The following ACOT7 variants were observed in gnomAD, a reference collection of about 807,000 sequenced individuals.
ACOT7 encodes acyl-CoA thioesterase 7.
Under a neutral mutation model 40.2 loss-of-function variants are expected in ACOT7, and 12 were observed. The ratio of observed to expected loss-of-function variants is 0.30; its 90% CI spans 0.19 to 0.48. The LOEUF (loss-of-function observed/expected upper bound fraction) is 0.48. Among genes scored for constraint, ACOT7 ranks in the 20% least tolerant of loss-of-function variants. The pLI is 0.99. For missense variants in ACOT7, 395 were observed against 530.8 expected, an observed-to-expected ratio of 0.74 and a Z score of 2.51; for synonymous variants, 228 against 219.5, an observed-to-expected ratio of 1.04 and a Z score of -0.34.
At position 6,355,452 on chromosome 1, in the gene ACOT7, G is replaced by A. The variant is rs770566619; in HGVS notation, c.144-5586C>T. Among the ~76,000 whole-genome samples, 9 of 152,168 alleles carry A rather than the reference G, an allele frequency of 5.9e-5. No homozygotes were observed. The highest frequency in any genetic ancestry group is 1.0e-4 in the Non-Finnish European group (7 of 68,042). On this transcript the variant is annotated intron_variant, in intron 1 of 8. Coordinates refer to ENST00000361521, the MANE Select transcript of ACOT7 (RefSeq NM_007274.4). The surrounding 1 kb of genome is among the most constrained non-coding windows in gnomAD (Gnocchi z 5.0). The stretch of plus-strand genomic sequence containing the variant: ...ATTGGAATATTGCTCAGCCTTGCAC[G>A]AGGAGGAGGAACCTTCTCAGAGACC...
rs147416080 is a variant in ACOT7 at position 6,357,575 on chromosome 1, G to A, written c.144-7709C>T. Among the ~76,000 whole-genome samples, 167 of 152,376 alleles carry A rather than the reference G, an allele frequency of 1.1e-3. 1 individual carries two copies. The highest frequency in any genetic ancestry group is 3.8e-3 in the African/African-American group (157 of 41,586). ...CATAGGGCTGCAGATGCCACTCATG[G>A]CTGGGGGCCACCACCTGGGGCCTGC... On this transcript the variant is annotated intron_variant, in intron 1 of 8. Coordinates refer to ENST00000361521, the MANE Select transcript of ACOT7 (RefSeq NM_007274.4).
rs1240002644 is a variant in ACOT7, at chr1:6,294,567, C to T, written c.829+297G>A. 1.3e-5 allele frequency among the ~76,000 whole-genome samples: 2 copies of T among 152,238 alleles called. No homozygotes were observed. Among genetic ancestry groups the T allele is most frequent in the Non-Finnish European group, 2.9e-5 (2 of 68,044 alleles). On this transcript the variant is annotated intron_variant, in intron 7 of 8. Transcript: ENST00000361521. The surrounding 1 kb of genome is among the most constrained non-coding windows in gnomAD (Gnocchi z 4.6). ...TTGGTGTCCAGGGTCGTGGCAGCTG[C>T]AGGCACAGGACCTTCCCAGAGCTCT... is the stretch of plus-strand genomic sequence containing the variant.
chr1:6,393,544 G>C lies in ACOT7; in HGVS notation c.-145C>G, dbSNP rs1428356855. On this transcript the variant is annotated 5_prime_UTR_variant, in exon 1 of 9. Coordinates refer to ENST00000361521, the MANE Select transcript of ACOT7 (RefSeq NM_007274.4). ...CGCCTCCCAGGCCGCCAAGGCTGCA[G>C]AGAGCTCGCGCGGGCGTACGATTCT... 1 of 695,560 alleles carries C rather than the reference G, an allele frequency of 1.4e-6. No individual in the cohort carries two copies. The highest frequency in any genetic ancestry group is 4.0e-5 in the East Asian group (1 of 25,018). 43.1% of individuals were successfully genotyped at this position (695,560 alleles called of 1,614,324 possible). A position where few individuals can be genotyped will look rare whatever the true frequency, so the allele number is the denominator to read the frequency against.
chr1:6,358,747 C>A lies in ACOT7; in HGVS notation c.144-8881G>T. 1.4e-6 allele frequency: 2 copies of A among 1,465,218 alleles called. No homozygotes were observed. The highest frequency in any genetic ancestry group is 1.9e-6 in the Non-Finnish European group (2 of 1,048,772). The allele number at this position is 1,465,218 out of a possible 1,614,324, so 90.8% of individuals were successfully genotyped here. On this transcript the variant is annotated intron_variant, in intron 1 of 8. Coordinates refer to ENST00000361521, the MANE Select transcript of ACOT7 (RefSeq NM_007274.4). The surrounding 1 kb of genome is among the most constrained non-coding windows in gnomAD (Gnocchi z 4.1). Reference sequence around the variant, plus strand: ...CAGGGGCCGAGTCCCCTCTACCCACCCTTCCCTTCCAAATGTCCCTAAACA... The same window carrying A: ...CAGGGGCCGAGTCCCCTCTACCCACACTTCCCTTCCAAATGTCCCTAAACA...
chr1:6,375,053 G>A (rs968841987), intron 1 of ACOT7, among the ~76,000 whole-genome samples: 3 of 151,606 alleles, frequency 2.0e-5, no homozygotes, highest in African/African-American at 4.9e-5. Context: ...CGAGGCGGGC[G>A]GATCACAAGA....
At chr1:6,376,105 A>G (rs1380990931) in intron 1 of ACOT7, among the ~76,000 whole-genome samples, 1 of 152,062 alleles carries the variant, frequency 6.6e-6, no homozygotes, top group Non-Finnish European at 1.5e-5. Flanking sequence ...AAGTACAAAA[A>G]TTAGCCATGC....
intron 8 of ACOT7, among the ~76,000 whole-genome samples, chr1:6,270,267 G>A (rs911422231): frequency 6.6e-6 from 1 of 152,224 alleles, no homozygotes; most frequent in Non-Finnish European, 1.5e-5. Context: ...GTAAATAAAT[G>A]CATACGCTGT....
chr1:6,362,605 AAGG>A (rs1426536910), intron 1 of ACOT7, among the ~76,000 whole-genome samples: 3 of 152,132 alleles, frequency 2.0e-5, no homozygotes, highest in South Asian at 2.1e-4. Context: ...GAGAGAATTC[AAGG>A]AGAACTCCGC....
At chr1:6,375,676 CCTGTAA>C (rs1353090383) in intron 1 of ACOT7, among the ~76,000 whole-genome samples, 1 of 152,160 alleles carries the variant, frequency 6.6e-6, no homozygotes, top group Non-Finnish European at 1.5e-5. Flanking sequence ...GTGGCTCACG[CCTGTAA>C]TCCCAGCACT....
At chr1:6,307,300 C>T (rs548276742) in intron 6 of ACOT7, among the ~76,000 whole-genome samples, 62 of 152,344 alleles carry the variant, frequency 4.1e-4, no homozygotes, top group Middle Eastern at 3.4e-3. Flanking sequence ...GCTGACTGCG[C>T]GGCACCAGCA....
chr1:6,309,685 C>T (rs1247701240), intron 6 of ACOT7, among the ~76,000 whole-genome samples: 1 of 152,024 alleles, frequency 6.6e-6, no homozygotes, highest in Non-Finnish European at 1.5e-5. Flanking sequence ...GGGCTATGTT[C>T]TCGTTAAGGA....
chr1:6,377,970 T>C (rs1006313427), intron 1 of ACOT7, among the ~76,000 whole-genome samples: 3 of 152,060 alleles, frequency 2.0e-5, no homozygotes, highest in African/African-American at 4.8e-5. Context: ...CTCGGGAGGC[T>C]GAGGCAGGTG....
At chr1:6,377,306 C>T (rs970849540) in intron 1 of ACOT7, among the ~76,000 whole-genome samples, 2 of 152,032 alleles carry the variant, frequency 1.3e-5, no homozygotes, top group African/African-American at 2.4e-5. Flanking sequence ...GAGGCTGAGG[C>T]GGGAAGATCA....
chr1:6,380,293 T>C (rs1211451793), intron 1 of ACOT7, among the ~76,000 whole-genome samples: 2 of 151,430 alleles, frequency 1.3e-5, no homozygotes, highest in Admixed American at 6.6e-5. Flanking sequence ...AAATGATCTA[T>C]GTGACAAGGG....
intron 5 of ACOT7, among the ~76,000 whole-genome samples, chr1:6,323,731 AAAAAAAATATATATATATAT>A (rs1362818680): frequency 2.2e-5 from 2 of 90,152 alleles, no homozygotes; most frequent in African/African-American, 5.5e-5. Context: ...AAAAAAAAAA[AAAAAAAATATATATATATAT>A]ATATATATAT....
At position 6,327,417 on chromosome 1, in the gene ACOT7, C is replaced by T. The variant is rs1422218805; in HGVS notation, c.511-4G>A. ...CCTCCTGCTCCTGCCGGGAATACTG[C>T]GAGAAACCAAAGACAGGTCAGGCCC... On this transcript the variant is annotated splice_polypyrimidine_tract_variant and splice_region_variant and intron_variant, in intron 4 of 8. Transcript: ENST00000361521. The T allele has an allele frequency of 3.7e-6, 6 of 1,613,862 alleles. No homozygotes were observed. Among genetic ancestry groups the T allele is most frequent in the African/African-American group, 1.3e-5 (1 of 74,920 alleles).
chr1:6,346,409 G>C (rs1330213533), intron 2 of ACOT7, among the ~76,000 whole-genome samples: 1 of 152,198 alleles, frequency 6.6e-6, no homozygotes, highest in East Asian at 1.9e-4. Context: ...GAAGAGGAGA[G>C]GGCAGGGCCC....
chr1:6,353,835 C>G (rs551514660), intron 1 of ACOT7, among the ~76,000 whole-genome samples: 20 of 152,262 alleles, frequency 1.3e-4, no homozygotes, highest in African/African-American at 4.8e-4. Flanking sequence ...CTTCTTCCCC[C>G]TCCTCTGACC....
intron 4 of ACOT7, among the ~76,000 whole-genome samples, chr1:6,328,509 C>T (rs1266661154): frequency 1.3e-5 from 2 of 151,938 alleles, no homozygotes; most frequent in South Asian, 4.2e-4. Context: ...TGGTGAAACC[C>T]CGCCTCTACT....
Sources: allele counts gnomAD v4.1 joint callset (sites outside exome capture counted in the v4.1 genomes callset), GRCh38; gene constraint gnomAD v4.1.1; non-coding constraint Gnocchi (gnomAD v3.1); transcripts MANE v1.5; gene names NCBI Gene and HGNC (gene_info 2026-07-23, HGNC 2026-07-21).